NRXN3: variants seen among roughly 807,000 people sequenced by gnomAD.
The protein encoded by NRXN3 is neurexin 3.
In NRXN3, 32 loss-of-function variants were observed where a neutral mutation model predicts 137.6. The observed-to-expected ratio is 0.23, with a 90% CI of 0.18 to 0.31. The LOEUF (loss-of-function observed/expected upper bound fraction) is 0.31. NRXN3 is among the 10% of genes least tolerant of loss of function. The probability of loss-of-function intolerance (pLI) is 1.00; values close to 1 mark genes in which losing one functional copy is unlikely to be tolerated. For synonymous variants in NRXN3, 798 were observed against 784.5 expected, an observed-to-expected ratio of 1.02 and a Z score of -0.29; for missense variants, 1,574 against 2,062.5, an observed-to-expected ratio of 0.76 and a Z score of 4.59.
intron 8 of NRXN3, among the ~76,000 whole-genome samples, chr14:78,777,473 TATA>T (rs2098748386): frequency 6.6e-6 from 1 of 152,292 alleles, no homozygotes; most frequent in East Asian, 1.9e-4. Context: ...TGATCCTCAT[TATA>T]ATAATAGCTA....
At chr14:78,641,911 C>G (rs2097638351) in intron 4 of NRXN3, among the ~76,000 whole-genome samples, 1 of 152,204 alleles carries the variant, frequency 6.6e-6, no homozygotes, top group Admixed American at 6.5e-5. Flanking sequence ...ATTCTCTTCT[C>G]TACACTGATG....
At chr14:79,000,992 C>A (rs1331306494) in intron 15 of NRXN3, among the ~76,000 whole-genome samples, 1 of 152,084 alleles carries the variant, frequency 6.6e-6, no homozygotes, top group African/African-American at 2.4e-5. Flanking sequence ...ATAAACACAG[C>A]TATAACCAAA....
intron 17 of NRXN3, among the ~76,000 whole-genome samples, chr14:79,690,004 C>T (rs779756927): frequency 5.0e-4 from 76 of 152,110 alleles, no homozygotes; most frequent in Non-Finnish European, 2.2e-4. Context: ...GAATGAAGGT[C>T]ATTAATATAT....
chr14:79,638,449 G>A (rs2153954051), intron 16 of NRXN3, among the ~76,000 whole-genome samples: 1 of 152,208 alleles, frequency 6.6e-6, no homozygotes, highest in South Asian at 2.1e-4. Context: ...GTAGAACAGA[G>A]GAGAAAAGGA....
intron 10 of NRXN3, among the ~76,000 whole-genome samples, chr14:78,897,590 A>G (rs2099181201): frequency 6.6e-6 from 1 of 151,736 alleles, no homozygotes; most frequent in Non-Finnish European, 1.5e-5. Flanking sequence ...ATCTTGATGG[A>G]CTCTGGCCAT....
intron 10 of NRXN3, among the ~76,000 whole-genome samples, chr14:78,867,733 A>C (rs908403673): frequency 3.9e-5 from 6 of 152,016 alleles, no homozygotes; most frequent in Non-Finnish European, 8.8e-5. Flanking sequence ...TTGCCGTGTT[A>C]CCCCCAGTTT....
chr14:79,656,058 A>G (rs1165179196), intron 16 of NRXN3, among the ~76,000 whole-genome samples: 1 of 152,222 alleles, frequency 6.6e-6, no homozygotes, highest in Admixed American at 6.5e-5. Context: ...TTGTAAGCAC[A>G]TAAGTAAGGT....
At chr14:79,257,357 G>A (rs2076729068) in intron 15 of NRXN3, among the ~76,000 whole-genome samples, 2 of 115,198 alleles carry the variant, frequency 1.7e-5, no homozygotes, top group African/African-American at 3.5e-5. Flanking sequence ...TGGTGGTGGT[G>A]GTGGTGGTGG....
chr14:79,530,720 A>G (rs1315789175), intron 16 of NRXN3, among the ~76,000 whole-genome samples: 1 of 152,080 alleles, frequency 6.6e-6, no homozygotes, highest in Non-Finnish European at 1.5e-5. Flanking sequence ...AGGAGGGGGA[A>G]ATGGGATTGC....
At chr14:78,569,161 G>C (rs534322670) in intron 4 of NRXN3, among the ~76,000 whole-genome samples, 1 of 151,646 alleles carries the variant, frequency 6.6e-6, no homozygotes, top group Admixed American at 6.6e-5. Context: ...TAGAGATGGG[G>C]TTTCACCGTG....
chr14:79,261,987 T>A (rs1187993331), intron 15 of NRXN3, among the ~76,000 whole-genome samples: 2 of 152,018 alleles, frequency 1.3e-5, no homozygotes, highest in African/African-American at 4.8e-5. Context: ...AGGAAGCATG[T>A]CCTTGGAGCC....
intron 4 of NRXN3, among the ~76,000 whole-genome samples, chr14:78,636,721 T>C (rs2097570218): frequency 6.6e-6 from 1 of 152,190 alleles, no homozygotes; most frequent in Non-Finnish European, 1.5e-5. Context: ...CTTATATGGA[T>C]CTGGTGGTTG....
At chr14:79,818,046 G>GT (rs55815632) in intron 20 of NRXN3, among the ~76,000 whole-genome samples, 9,743 of 90,342 alleles carry the variant, frequency 0.11, 1,940 homozygotes, top group East Asian at 0.34. Context: ...GTGCACTTGG[G>GT]TTTTTTTTTT....
intron 20 of NRXN3, among the ~76,000 whole-genome samples, chr14:79,850,332 G>A (rs2099389047): frequency 6.6e-6 from 1 of 151,998 alleles, no homozygotes; most frequent in Non-Finnish European, 1.5e-5. Flanking sequence ...AACTCACTGG[G>A]GCCTTCCTCT....
At chr14:79,197,740 T>A (rs77463328) in intron 15 of NRXN3, among the ~76,000 whole-genome samples, 5,408 of 152,150 alleles carry the variant, frequency 0.036, 228 homozygotes, top group East Asian at 0.21. Flanking sequence ...TTGCGGAAGG[T>A]TGGGGTGGCA....
chr14:78,997,233 T>C (rs1269131227), intron 15 of NRXN3, among the ~76,000 whole-genome samples: 2 of 152,146 alleles, frequency 1.3e-5, no homozygotes, highest in African/African-American at 4.8e-5. Context: ...TCTCCATAAT[T>C]CAAAGGCATA....
intron 4 of NRXN3, among the ~76,000 whole-genome samples, chr14:78,333,557 A>G (rs1053843973): frequency 6.6e-6 from 1 of 152,178 alleles, no homozygotes; most frequent in African/African-American, 2.4e-5. Flanking sequence ...TAGAAACAAA[A>G]TAGATCCGAG....
chr14:78,891,509 GAAAT>G (rs1219086541), intron 10 of NRXN3, among the ~76,000 whole-genome samples: 8 of 151,834 alleles, frequency 5.3e-5, no homozygotes, highest in African/African-American at 1.9e-4. Flanking sequence ...CATGACATGA[GAAAT>G]AAAATTCCCA....
intron 15 of NRXN3, chr14:79,280,294 G>A: frequency 2.5e-6 from 4 of 1,613,992 alleles, no homozygotes; most frequent in Non-Finnish European, 3.4e-6. Context: ...CGTTGACCAT[G>A]CACCTGAGAA....
Sources: allele counts gnomAD v4.1 joint callset (sites outside exome capture counted in the v4.1 genomes callset), GRCh38; gene constraint gnomAD v4.1.1; transcripts MANE v1.5; gene names NCBI Gene and HGNC (gene_info 2026-07-23, HGNC 2026-07-21).